Variants in SLC22A3 observed in about 807,000 individuals in gnomAD.
The protein encoded by SLC22A3 is EMT organic cation transporter 3.
A neutral mutation model predicts 59.1 loss-of-function variants in SLC22A3; 51 were observed. The ratio of observed to expected loss-of-function variants is 0.86; its 90% confidence interval spans 0.69 to 1.09. The LOEUF (loss-of-function observed/expected upper bound fraction) is 1.09. SLC22A3 is among the 50% of genes least tolerant of loss of function. The probability of loss-of-function intolerance (pLI) is 0.00; values close to 1 mark genes in which losing one functional copy is unlikely to be tolerated. For missense variants in SLC22A3, 711 were observed against 726.3 expected (o/e 0.98, Z 0.24); for synonymous variants, 325 against 292.0 (o/e 1.11, Z -1.15).
At chr6:160,413,053 A>G (rs1787321192) in intron 5 of SLC22A3, among the ~76,000 whole-genome samples, 1 of 152,172 alleles carries the variant, frequency 6.6e-6, no homozygotes. Context: ...AAATAAGAAT[A>G]TAGAAAGGAA....
chr6:160,396,229 C>G (rs1362990632), intron 1 of SLC22A3, among the ~76,000 whole-genome samples: 1 of 152,128 alleles, frequency 6.6e-6, no homozygotes, highest in Non-Finnish European at 1.5e-5. Context: ...TTCAGGGCAA[C>G]AAACAATGGG....
chr6:160,353,794 A>G (rs759132046), intron 1 of SLC22A3, among the ~76,000 whole-genome samples: 20 of 152,144 alleles, frequency 1.3e-4, no homozygotes, highest in Non-Finnish European at 2.5e-4. Flanking sequence ...TCCATGGACC[A>G]CACAGAGAGA....
chr6:160,349,880 C>CT (rs926645696), intron 1 of SLC22A3, among the ~76,000 whole-genome samples: 7 of 152,114 alleles, frequency 4.6e-5, no homozygotes, highest in East Asian at 1.9e-4. Flanking sequence ...AAAGGTTTGT[C>CT]TTTTTTTTGT....
intron 1 of SLC22A3, among the ~76,000 whole-genome samples, chr6:160,352,560 C>T (rs944524140): frequency 1.3e-5 from 2 of 152,170 alleles, no homozygotes; most frequent in Admixed American, 6.5e-5. Flanking sequence ...AGCAGGGCTT[C>T]AGAACACCTT....
chr6:160,396,644 A>C (rs56196489), intron 1 of SLC22A3, among the ~76,000 whole-genome samples: 1,914 of 152,302 alleles, frequency 0.013, 48 homozygotes, highest in African/African-American at 0.043. Flanking sequence ...CACTGATTTC[A>C]TGACCTAACT....
intron 5 of SLC22A3, among the ~76,000 whole-genome samples, chr6:160,435,973 C>G (rs972408593): frequency 6.6e-5 from 10 of 152,030 alleles, no homozygotes; most frequent in Non-Finnish European, 1.3e-4. Context: ...GATAGAGGTC[C>G]GGGGAGTAGA....
chr6:160,429,345 C>T (rs530945023), intron 5 of SLC22A3, among the ~76,000 whole-genome samples: 6 of 152,162 alleles, frequency 3.9e-5, no homozygotes, highest in Admixed American at 2.6e-4. Flanking sequence ...TTGTGAAATA[C>T]GGCAACTGAT....
At chr6:160,389,588 G>A (rs185390008) in intron 1 of SLC22A3, among the ~76,000 whole-genome samples, 4 of 152,304 alleles carry the variant, frequency 2.6e-5, no homozygotes, top group Admixed American at 6.5e-5. Context: ...TCTGTGACAC[G>A]TCTCTCCTCC....
At chr6:160,371,959 G>T (rs1222025522) in intron 1 of SLC22A3, among the ~76,000 whole-genome samples, 1 of 151,924 alleles carries the variant, frequency 6.6e-6, no homozygotes, top group Non-Finnish European at 1.5e-5. Flanking sequence ...TGTGTTTGTT[G>T]GCCGGATAAA....
Position 160,409,471 on chromosome 6 carries a change from G to A in SLC22A3, c.857+550G>A, listed in dbSNP as rs111315446. Among the ~76,000 whole-genome samples, 805 of 138,870 alleles carry A rather than the reference G, an allele frequency of 5.8e-3. 6 individuals carry two copies. Among genetic ancestry groups the A allele is most frequent in the Middle Eastern group, 0.038 (11 of 288 alleles). The allele number at this position is 138,870 out of a possible 152,430, so 91.1% of individuals were successfully genotyped here. A position where few individuals can be genotyped will look rare whatever the true frequency, so the allele number is the denominator to read the frequency against. The stretch of plus-strand genomic sequence containing the variant: ...AGTCTTTGCTATTGTGAATAGTGCC[G>A]CAATAAACATACGTGTGCATGTGTC... On this transcript the variant is annotated intron_variant, in intron 4 of 10. Coordinates refer to ENST00000275300, the MANE Select transcript of SLC22A3 (RefSeq NM_021977.4).
intron 7 of SLC22A3, among the ~76,000 whole-genome samples, chr6:160,438,848 A>G (rs1788443918): frequency 6.6e-6 from 1 of 152,094 alleles, no homozygotes; most frequent in African/African-American, 2.4e-5. Context: ...GTTCTGGGGA[A>G]GGGTCTCTTC....
intron 1 of SLC22A3, among the ~76,000 whole-genome samples, chr6:160,366,768 A>G (rs950699669): frequency 6.6e-5 from 10 of 152,214 alleles, no homozygotes; most frequent in African/African-American, 2.4e-4. Flanking sequence ...AACCCCCGGG[A>G]CCAACACCAC....
chr6:160,357,400 G>A (rs891443946), intron 1 of SLC22A3, among the ~76,000 whole-genome samples: 2 of 152,156 alleles, frequency 1.3e-5, no homozygotes, highest in African/African-American at 4.8e-5. Context: ...TTCTGCCAAC[G>A]GGAAGCTTTG....
chr6:160,442,611 G>T (rs1055041365), intron 7 of SLC22A3, 150 bp from the exon 8 acceptor site: 5 of 707,844 alleles, frequency 7.1e-6, no homozygotes, highest in Middle Eastern at 2.3e-4. Flanking sequence ...TTGAAATTTG[G>T]TTACATTATT....
intron 1 of SLC22A3, among the ~76,000 whole-genome samples, chr6:160,376,450 C>T (rs1222505038): frequency 6.6e-6 from 1 of 152,150 alleles, no homozygotes; most frequent in Non-Finnish European, 1.5e-5. Context: ...TTGATAGGTG[C>T]AGCTAACCAC....
intron 9 of SLC22A3, among the ~76,000 whole-genome samples, chr6:160,444,052 A>G (rs1788653319): frequency 6.6e-6 from 1 of 152,186 alleles, no homozygotes; most frequent in Non-Finnish European, 1.5e-5. Context: ...GGAGAACATA[A>G]CCAATAATTT....
chr6:160,451,471 G>A lies in SLC22A3; in HGVS notation c.*415G>A. ...GTACAGAAATGTGTTCATCAAATCT[G>A]GTCAAGGGACTAAGCTCCTAGCTGA... is the stretch of plus-strand genomic sequence containing the variant. On this transcript the variant is annotated 3_prime_UTR_variant, in exon 11 of 11. Coordinates refer to ENST00000275300, the MANE Select transcript of SLC22A3 (RefSeq NM_021977.4). The A allele has an allele frequency of 5.2e-6, 1 of 190,896 alleles. No homozygotes were observed. The highest frequency in any genetic ancestry group is 1.1e-4 in the South Asian group (1 of 9,286). 11.8% of individuals were successfully genotyped at this position (190,896 alleles called of 1,614,324 possible).
intron 1 of SLC22A3, among the ~76,000 whole-genome samples, chr6:160,354,228 G>C (rs1426871859): frequency 1.3e-5 from 2 of 152,212 alleles, no homozygotes; most frequent in African/African-American, 4.8e-5. Context: ...GATAAATCTT[G>C]TCCTAAATCC....
intron 9 of SLC22A3, 92 bp downstream of exon 9, chr6:160,443,834 T>C: frequency 1.7e-6 from 1 of 577,686 alleles, no homozygotes; most frequent in Non-Finnish European, 2.9e-6. Flanking sequence ...ATAATGATAA[T>C]GATAGTCATT....
Sources: gnomAD v4.1 joint callset for allele counts (sites outside exome capture counted in the v4.1 genomes callset) on GRCh38, gnomAD v4.1.1 for gene constraint, MANE v1.5 for transcripts, NCBI Gene and HGNC (gene_info 2026-07-23, HGNC 2026-07-21) for gene names.